The following PTPRT variants were observed in gnomAD, a reference collection of about 807,000 sequenced individuals.
The protein encoded by PTPRT is receptor-type tyrosine-protein phosphatase T.
In PTPRT, 56 loss-of-function variants were observed where a neutral mutation model predicts 176.8. That is an observed-to-expected ratio of 0.32 (90% confidence interval 0.26 to 0.40). PTPRT has a LOEUF of 0.40. Among genes scored for constraint, PTPRT ranks in the 10% least tolerant of loss-of-function variants. The probability of loss-of-function intolerance (pLI) is 1.00; values close to 1 mark genes in which losing one functional copy is unlikely to be tolerated. For missense variants in PTPRT, 1,540 were observed against 1,908.2 expected (o/e 0.81, Z 3.60); for synonymous variants, 783 against 739.0 (o/e 1.06, Z -0.96).
intron 6 of PTPRT, among the ~76,000 whole-genome samples, chr20:42,734,790 G>A (rs2076513794): frequency 6.6e-6 from 1 of 152,150 alleles, no homozygotes; most frequent in Non-Finnish European, 1.5e-5. Context: ...TTGCTGCCAG[G>A]GGCAGGTTCT....
At chr20:42,547,005 T>C (rs954219499) in intron 7 of PTPRT, among the ~76,000 whole-genome samples, 3 of 152,116 alleles carry the variant, frequency 2.0e-5, no homozygotes, top group Non-Finnish European at 4.4e-5. Context: ...AGTTAGCACA[T>C]GCTGTTAAAA....
intron 1 of PTPRT, among the ~76,000 whole-genome samples, chr20:42,916,518 T>C (rs1472817555): frequency 6.6e-6 from 1 of 152,238 alleles, no homozygotes; most frequent in African/African-American, 2.4e-5. Flanking sequence ...TTTCTAGTTC[T>C]AGATCCCTGA....
chr20:42,544,033 G>A (rs2072629841), intron 7 of PTPRT, among the ~76,000 whole-genome samples: 1 of 152,094 alleles, frequency 6.6e-6, no homozygotes, highest in African/African-American at 2.4e-5. Context: ...GTGTTTAAGA[G>A]TCCCAGGATT....
At chr20:42,933,454 A>C (rs1197874434) in intron 1 of PTPRT, among the ~76,000 whole-genome samples, 1 of 152,134 alleles carries the variant, frequency 6.6e-6, no homozygotes, top group Non-Finnish European at 1.5e-5. Context: ...CAAGGACTGG[A>C]ATCTAACTAT....
intron 7 of PTPRT, among the ~76,000 whole-genome samples, chr20:42,474,799 A>AGCTGG (rs2071260747): frequency 6.6e-6 from 1 of 152,118 alleles, no homozygotes; most frequent in African/African-American, 2.4e-5. Flanking sequence ...AGCGTTGCCT[A>AGCTGG]GCTGGGGCCT....
At chr20:42,279,054 TG>T (rs1568733963) in intron 13 of PTPRT, among the ~76,000 whole-genome samples, 2 of 152,160 alleles carry the variant, frequency 1.3e-5, no homozygotes, top group Admixed American at 1.3e-4. Context: ...TTTTGCTCTG[TG>T]GCTTTCTATT....
chr20:42,119,258 A>C (rs1430732734), intron 20 of PTPRT, among the ~76,000 whole-genome samples: 2 of 152,162 alleles, frequency 1.3e-5, no homozygotes, highest in African/African-American at 4.8e-5. Context: ...TGCCCTTAAA[A>C]ATTCTTACCA....
At chr20:42,655,403 A>G (rs2075107530) in intron 7 of PTPRT, among the ~76,000 whole-genome samples, 1 of 152,200 alleles carries the variant, frequency 6.6e-6, no homozygotes, top group Admixed American at 6.5e-5. Context: ...AGGCAGGAGA[A>G]TCACTTGAAA....
At chr20:42,156,985 G>T (rs999234688) in intron 17 of PTPRT, among the ~76,000 whole-genome samples, 2 of 152,190 alleles carry the variant, frequency 1.3e-5, no homozygotes, top group African/African-American at 4.8e-5. Flanking sequence ...CAGAGTAAAA[G>T]CCAAAGTCCT....
chr20:42,518,651 A>G (rs1200061696), intron 7 of PTPRT, among the ~76,000 whole-genome samples: 1 of 151,948 alleles, frequency 6.6e-6, no homozygotes, highest in East Asian at 1.9e-4. Flanking sequence ...GTGCGTGAGT[A>G]TGTGTATTGT....
chr20:42,217,481 T>TC (rs1323710734), intron 15 of PTPRT, among the ~76,000 whole-genome samples: 1 of 151,594 alleles, frequency 6.6e-6, no homozygotes, highest in Admixed American at 6.6e-5. Flanking sequence ...CATAAGACCA[T>TC]CTATCCTTTA....
intron 7 of PTPRT, among the ~76,000 whole-genome samples, chr20:42,537,814 G>A (rs2072502914): frequency 1.3e-5 from 2 of 152,078 alleles, no homozygotes; most frequent in African/African-American, 2.4e-5. Flanking sequence ...TAGATTTCAC[G>A]GGTAATGGCT....
In PTPRT at chr20:42,616,856, T is replaced by G. The variant is rs1415604341; in HGVS notation, c.1153+61010A>C. Among the ~76,000 whole-genome samples the G allele has an allele frequency of 1.5e-5, 2 of 136,336 alleles. 1 individual carries two copies. The highest frequency in any genetic ancestry group is 6.5e-5 in the African/African-American group (2 of 30,740). 89.4% of individuals were successfully genotyped at this position (136,336 alleles called of 152,430 possible). On this transcript the variant is annotated intron_variant, in intron 7 of 30. Coordinates refer to ENST00000373187, the MANE Select transcript of PTPRT (RefSeq NM_007050.6). ...ATTTTGGGCTGAGACAATGGGGTTT[T>G]CTAGATATACAATCATGTCATCTGC...
chr20:42,954,079 G>A (rs1981457940), intron 1 of PTPRT, among the ~76,000 whole-genome samples: 1 of 152,032 alleles, frequency 6.6e-6, no homozygotes, highest in Non-Finnish European at 1.5e-5. Flanking sequence ...GGCTGACCCT[G>A]GTATAGTCAC....
At chr20:42,037,684 A>G in the PTPRT span, among the ~76,000 whole-genome samples, 2 of 152,168 alleles carry the variant, frequency 1.3e-5, no homozygotes. Flanking sequence ...CAGTTCTTCC[A>G]TCCTCACCTG....
At chr20:42,708,582 C>T (rs966288179) in intron 6 of PTPRT, among the ~76,000 whole-genome samples, 1 of 152,128 alleles carries the variant, frequency 6.6e-6, no homozygotes, top group African/African-American at 2.4e-5. Flanking sequence ...GTGTTAAGGG[C>T]CCAAGATAGC....
intron 6 of PTPRT, among the ~76,000 whole-genome samples, chr20:42,691,098 G>A (rs895324111): frequency 4.6e-5 from 7 of 152,200 alleles, no homozygotes; most frequent in Non-Finnish European, 1.0e-4. Flanking sequence ...TGCATCACAT[G>A]TATCACGTTC....
At chr20:42,916,828 T>G (rs1453020327) in intron 1 of PTPRT, among the ~76,000 whole-genome samples, 7 of 152,182 alleles carry the variant, frequency 4.6e-5, no homozygotes, top group Non-Finnish European at 8.8e-5. Context: ...TTCTTGTAAA[T>G]TTGTTTGAGC....
chr20:42,402,041 C>T (rs2058913287), intron 9 of PTPRT, among the ~76,000 whole-genome samples: 1 of 152,042 alleles, frequency 6.6e-6, no homozygotes, highest in South Asian at 2.1e-4. Flanking sequence ...TCTAATCAGG[C>T]TAAGAACTGT....
Sources: allele counts gnomAD v4.1 joint callset (sites outside exome capture counted in the v4.1 genomes callset), GRCh38; gene constraint gnomAD v4.1.1; transcripts MANE v1.5; gene names NCBI Gene and HGNC (gene_info 2026-07-23, HGNC 2026-07-21).